The following PRKD1 variants were observed in gnomAD, a reference collection of about 807,000 sequenced individuals.
PRKD1 encodes serine/threonine-protein kinase D1.
PRKD1 carries 63 observed loss-of-function variants against 95.9 expected under a neutral mutation model. That is an observed-to-expected ratio of 0.66 (90% CI 0.54 to 0.81). The LOEUF (loss-of-function observed/expected upper bound fraction) is 0.81, where lower values mean the gene tolerates loss of function less well. PRKD1 is among the 30% of genes least tolerant of loss of function. The probability of loss-of-function intolerance (pLI) is 0.00; values close to 1 mark genes in which losing one functional copy is unlikely to be tolerated. For synonymous variants in PRKD1, 425 were observed against 423.1 expected (o/e 1.00, Z -0.05); for missense variants, 1,048 against 1,165.3 (o/e 0.90, Z 1.47).
At chr14:29,724,943 A>G (rs1594461182) in intron 2 of PRKD1, among the ~76,000 whole-genome samples, 1 of 152,304 alleles carries the variant, frequency 6.6e-6, no homozygotes, top group Non-Finnish European at 1.5e-5. Context: ...GCACAGTCCT[A>G]TTACTAACTG....
chr14:29,916,235 C>T (rs766292230), intron 1 of PRKD1, among the ~76,000 whole-genome samples: 1 of 152,168 alleles, frequency 6.6e-6, no homozygotes, highest in Non-Finnish European at 1.5e-5. Context: ...GAGCTCTCAC[C>T]TGTGATGCTC....
intron 16 of PRKD1, among the ~76,000 whole-genome samples, chr14:29,586,869 C>A (rs1286453877): frequency 6.6e-6 from 1 of 152,136 alleles, no homozygotes; most frequent in Non-Finnish European, 1.5e-5. Context: ...ACATGATCTG[C>A]CCACCCTGGC....
intron 1 of PRKD1, among the ~76,000 whole-genome samples, chr14:29,761,730 T>C (rs1287284749): frequency 1.3e-5 from 2 of 152,014 alleles, no homozygotes; most frequent in East Asian, 1.9e-4. Context: ...AAGTTCTTCC[T>C]TTTTACCCTT....
At chr14:29,863,773 T>G (rs553345227) in intron 1 of PRKD1, among the ~76,000 whole-genome samples, 1 of 152,266 alleles carries the variant, frequency 6.6e-6, no homozygotes, top group East Asian at 1.9e-4. Flanking sequence ...TTTTTCAGGT[T>G]TGGATAATGT....
chr14:29,821,389 C>T (rs1354349360), intron 1 of PRKD1, among the ~76,000 whole-genome samples: 1 of 152,146 alleles, frequency 6.6e-6, no homozygotes, highest in Non-Finnish European at 1.5e-5. Flanking sequence ...ACCATGGTTC[C>T]ACTAACATTC....
chr14:29,725,778 G>A, intron 1 of PRKD1, 104 bp from the exon 2 acceptor site: 1 of 1,150,094 alleles, frequency 8.7e-7, no homozygotes, highest in Non-Finnish European at 1.2e-6. Context: ...AAAGTTCAAA[G>A]TATCTAGATC....
intron 1 of PRKD1, among the ~76,000 whole-genome samples, chr14:29,852,589 G>T (rs1356141030): frequency 6.6e-6 from 1 of 151,816 alleles, no homozygotes; most frequent in Admixed American, 6.6e-5. Flanking sequence ...AAGAAATAAT[G>T]GATGAAAACT....
chr14:29,836,297 T>G (rs1287393807), intron 1 of PRKD1, among the ~76,000 whole-genome samples: 2 of 152,202 alleles, frequency 1.3e-5, no homozygotes, highest in African/African-American at 4.8e-5. Flanking sequence ...TAAAGATTTT[T>G]GAACCATTAA....
At position 29,576,802 on chromosome 14, in the gene PRKD1, G is replaced by A. The variant is rs1892570034; in HGVS notation, c.*436C>T. ...ATTTTTTTCCCACATGGGTTTTGGAGTTGTTCATAGAACACTGGAAATAAT... is the reference window on the plus strand; with the variant it reads ...ATTTTTTTCCCACATGGGTTTTGGAATTGTTCATAGAACACTGGAAATAAT... On this transcript the variant is annotated 3_prime_UTR_variant, in exon 18 of 18. Transcript: ENST00000331968. 1 of 177,316 alleles carries A rather than the reference G, an allele frequency of 5.6e-6. No individual in the cohort carries two copies. The highest frequency in any genetic ancestry group is 1.2e-5 in the Non-Finnish European group (1 of 81,310). The allele number at this position is 177,316 out of a possible 1,614,324, so 11.0% of individuals were successfully genotyped here. A position where few individuals can be genotyped will look rare whatever the true frequency, so the allele number is the denominator to read the frequency against.
chr14:29,612,786 C>T (rs1199453832), intron 13 of PRKD1, among the ~76,000 whole-genome samples: 1 of 152,070 alleles, frequency 6.6e-6, no homozygotes, highest in East Asian at 1.9e-4. Flanking sequence ...CATGTCTTGC[C>T]TATAGAAATA....
intron 1 of PRKD1, among the ~76,000 whole-genome samples, chr14:29,829,845 T>C (rs910608454): frequency 3.3e-4 from 51 of 152,290 alleles, no homozygotes; most frequent in Non-Finnish European, 5.9e-5. Flanking sequence ...TTCATTTGCA[T>C]ATCAGGGAAA....
intron 1 of PRKD1, among the ~76,000 whole-genome samples, chr14:29,856,283 TA>T: frequency 6.6e-6 from 1 of 152,096 alleles, no homozygotes; most frequent in Non-Finnish European, 1.5e-5. Flanking sequence ...ATATTCCAAA[TA>T]CAGCAACCTG....
intron 1 of PRKD1, among the ~76,000 whole-genome samples, chr14:29,881,850 C>T (rs924764447): frequency 4.6e-5 from 7 of 152,168 alleles, no homozygotes; most frequent in Admixed American, 3.9e-4. Context: ...TCCCTCCCCA[C>T]CCAAAGAAGT....
chr14:29,650,973 A>AT (rs1295200807), intron 4 of PRKD1, among the ~76,000 whole-genome samples: 2 of 152,016 alleles, frequency 1.3e-5, no homozygotes, highest in Non-Finnish European at 2.9e-5. Context: ...ACTTTTTATT[A>AT]TTTTTTCTAT....
intron 1 of PRKD1, among the ~76,000 whole-genome samples, chr14:29,739,925 G>C (rs1264996224): frequency 6.6e-6 from 1 of 152,138 alleles, no homozygotes; most frequent in Non-Finnish European, 1.5e-5. Flanking sequence ...AGCAATTTCT[G>C]TGTATAGACT....
chr14:29,704,583 A>G (rs1442065483), intron 2 of PRKD1, among the ~76,000 whole-genome samples: 2 of 152,134 alleles, frequency 1.3e-5, no homozygotes, highest in African/African-American at 4.8e-5. Flanking sequence ...CCACTGCACA[A>G]TAATTCCACC....
chr14:29,702,646 A>G (rs1884898589), intron 2 of PRKD1, among the ~76,000 whole-genome samples: 1 of 151,962 alleles, frequency 6.6e-6, no homozygotes, highest in African/African-American at 2.4e-5. Flanking sequence ...CTTCATTTAG[A>G]TTTTCAAAGG....
At chr14:29,646,766 C>A (rs534548092) in intron 4 of PRKD1, among the ~76,000 whole-genome samples, 2,080 of 146,064 alleles carry the variant, frequency 0.014, 52 homozygotes, top group African/African-American at 0.049. Flanking sequence ...AAAAAAAAAA[C>A]CCACACAGTC....
In PRKD1 at chr14:29,724,887, G is replaced by A. The variant is rs1231625804; in HGVS notation, c.403+649C>T. Among the ~76,000 whole-genome samples, 4 of 152,180 alleles carry A rather than the reference G, an allele frequency of 2.6e-5. No individual in the cohort carries two copies. In the East Asian group the frequency reaches 5.8e-4, roughly 22 times the overall value. On this transcript the variant is annotated intron_variant, in intron 2 of 17. Coordinates refer to ENST00000331968, the MANE Select transcript of PRKD1 (RefSeq NM_002742.3). ...TCCACTCTAGCTGTTGTTCTCTGGTGCTTTTTAAAAAGGTTAAATACATTC... is the reference window on the plus strand; with the variant it reads ...TCCACTCTAGCTGTTGTTCTCTGGTACTTTTTAAAAAGGTTAAATACATTC...
Sources: gnomAD v4.1 joint callset for allele counts (sites outside exome capture counted in the v4.1 genomes callset) on GRCh38, gnomAD v4.1.1 for gene constraint, MANE v1.5 for transcripts, NCBI Gene and HGNC (gene_info 2026-07-23, HGNC 2026-07-21) for gene names.